Variants in CA10 observed in about 807,000 individuals in gnomAD.
CA10 encodes carbonic anhydrase-related protein 10.
Under a neutral mutation model 44.2 loss-of-function variants are expected in CA10, and 14 were observed. The observed-to-expected ratio is 0.32, with a 90% CI of 0.21 to 0.50. The LOEUF (loss-of-function observed/expected upper bound fraction) is 0.50. Ranked by LOEUF, CA10 falls within the 20% of genes least tolerant of loss-of-function variation. The pLI, the probability that CA10 is intolerant of heterozygous loss-of-function variation, is 0.99. For synonymous variants in CA10, 159 were observed against 141.6 expected, an observed-to-expected ratio of 1.12 and a Z score of -0.87; for missense variants, 350 against 409.7, an observed-to-expected ratio of 0.85 and a Z score of 1.26.
intron 3 of CA10, among the ~76,000 whole-genome samples, chr17:51,790,075 G>A (rs959376074): frequency 2.6e-5 from 4 of 152,192 alleles, no homozygotes; most frequent in African/African-American, 9.6e-5. Flanking sequence ...TTGGTTGCTG[G>A]AAATGGGAGG....
chr17:51,865,203 C>T (rs373327702), intron 3 of CA10, among the ~76,000 whole-genome samples: 2 of 152,168 alleles, frequency 1.3e-5, no homozygotes, highest in South Asian at 2.1e-4. Flanking sequence ...TTATTTTTCT[C>T]CATGGTACTC....
intron 3 of CA10, among the ~76,000 whole-genome samples, chr17:51,864,224 TC>T (rs1305400324): frequency 6.6e-6 from 1 of 152,272 alleles, no homozygotes; most frequent in Non-Finnish European, 1.5e-5. Context: ...AGTGGTTACC[TC>T]CCAGGAACCG....
At chr17:52,147,705 G>A (rs1989618600) in intron 1 of CA10, among the ~76,000 whole-genome samples, 1 of 152,106 alleles carries the variant, frequency 6.6e-6, no homozygotes, top group Non-Finnish European at 1.5e-5. Flanking sequence ...TGTAACTTAA[G>A]AGCCAGTATC....
At chr17:51,687,381 C>T (rs1361972725) in intron 4 of CA10, among the ~76,000 whole-genome samples, 1 of 152,176 alleles carries the variant, frequency 6.6e-6, no homozygotes, top group Non-Finnish European at 1.5e-5. Context: ...AAGCCCTCAC[C>T]AGAATGTAAA....
intron 4 of CA10, among the ~76,000 whole-genome samples, chr17:51,679,271 T>TG (rs1181518823): frequency 1.4e-5 from 2 of 140,788 alleles, no homozygotes; most frequent in East Asian, 2.1e-4. Context: ...TCTCTTTTTT[T>TG]TTTTTTGGGA....
chr17:51,673,934 T>A (rs1416985862), intron 4 of CA10, among the ~76,000 whole-genome samples: 1 of 150,822 alleles, frequency 6.6e-6, no homozygotes, highest in African/African-American at 2.5e-5. Context: ...CATCTGTATC[T>A]GTAAACACAC....
At chr17:51,789,279 G>T (rs1328210070) in intron 3 of CA10, among the ~76,000 whole-genome samples, 2 of 151,374 alleles carry the variant, frequency 1.3e-5, no homozygotes, top group African/African-American at 2.4e-5. Flanking sequence ...GCCTCCCACA[G>T]TGCTGGGATT....
In CA10 at chr17:52,060,338, T is replaced by C. The variant is rs1171782014; in HGVS notation, c.136+11981A>G. On this transcript the variant is annotated intron_variant, in intron 2 of 8. Transcript: ENST00000451037. ...ACGAAAGAGACATGAAGGCTAAATG[T>C]AATATGGTATCCTAAATTGGATTAT... is the stretch of plus-strand genomic sequence containing the variant. 5.3e-5 allele frequency among the ~76,000 whole-genome samples: 8 copies of C among 152,220 alleles called. No individual in the cohort carries two copies. The East Asian group carries it at 1.5e-3, about 29-fold the overall frequency.
chr17:51,710,498 C>T (rs551279608), intron 4 of CA10, among the ~76,000 whole-genome samples: 1 of 152,300 alleles, frequency 6.6e-6, no homozygotes, highest in Non-Finnish European at 1.5e-5. Context: ...TTCTCACCAC[C>T]AGCAGAAAGA....
At chr17:51,846,180 T>G (rs1404803446) in intron 3 of CA10, among the ~76,000 whole-genome samples, 1 of 152,250 alleles carries the variant, frequency 6.6e-6, no homozygotes, top group African/African-American at 2.4e-5. Context: ...ACTTATCAAG[T>G]GCCTGCCATG....
chr17:51,724,445 C>A (rs1916450374), intron 4 of CA10, among the ~76,000 whole-genome samples: 1 of 152,156 alleles, frequency 6.6e-6, no homozygotes, highest in African/African-American at 2.4e-5. Context: ...ATAAGATGGG[C>A]TAGAATTTCC....
intron 3 of CA10, among the ~76,000 whole-genome samples, chr17:51,775,445 T>A (rs528159239): frequency 6.6e-6 from 1 of 152,286 alleles, no homozygotes; most frequent in East Asian, 1.9e-4. Flanking sequence ...ATTTAAGCCA[T>A]GCAGGGTACA....
chr17:52,127,740 T>G (rs1349737815), intron 1 of CA10, among the ~76,000 whole-genome samples: 4 of 152,230 alleles, frequency 2.6e-5, no homozygotes, highest in Non-Finnish European at 5.9e-5. Context: ...GTGAACTCCT[T>G]TTTAATGCTT....
At chr17:52,064,550 C>A (rs1476499895) in intron 2 of CA10, among the ~76,000 whole-genome samples, 1 of 132,638 alleles carries the variant, frequency 7.5e-6, no homozygotes, top group East Asian at 2.3e-4. Flanking sequence ...ACACTCCTTA[C>A]CTGTTAATCA....
intron 3 of CA10, among the ~76,000 whole-genome samples, chr17:51,827,351 CACAT>C (rs895580505): frequency 8.3e-4 from 126 of 151,492 alleles, no homozygotes; most frequent in South Asian, 6.3e-3. Context: ...CACACACACA[CACAT>C]ACACACACAC....
intron 3 of CA10, among the ~76,000 whole-genome samples, chr17:51,755,293 G>A (rs935392833): frequency 7.9e-5 from 12 of 152,136 alleles, no homozygotes; most frequent in Admixed American, 6.6e-4. Context: ...AAGAGGAAGA[G>A]GTATATCTTT....
intron 2 of CA10, among the ~76,000 whole-genome samples, chr17:52,023,755 C>G (rs752163711): frequency 2.7e-5 from 4 of 150,796 alleles, no homozygotes; most frequent in South Asian, 2.1e-4. Flanking sequence ...AGAATGTAGA[C>G]AGAACTTAAA....
chr17:51,835,889 A>G (rs190708681), intron 3 of CA10, among the ~76,000 whole-genome samples: 4 of 152,308 alleles, frequency 2.6e-5, no homozygotes, highest in Non-Finnish European at 5.9e-5. Context: ...AAGGTCAGAG[A>G]AGATGACATT....
intron 1 of CA10, among the ~76,000 whole-genome samples, chr17:52,079,658 G>A (rs1598203821): frequency 6.6e-6 from 1 of 152,134 alleles, no homozygotes; most frequent in African/African-American, 2.4e-5. Flanking sequence ...TGGTCAGTGG[G>A]AATGTGGACA....
Sources: gnomAD v4.1 joint callset for allele counts (sites outside exome capture counted in the v4.1 genomes callset) on GRCh38, gnomAD v4.1.1 for gene constraint, MANE v1.5 for transcripts, NCBI Gene and HGNC (gene_info 2026-07-23, HGNC 2026-07-21) for gene names.